Variants in NKAIN3 observed in about 807,000 individuals in gnomAD.
NKAIN3 encodes sodium/potassium-transporting ATPase subunit beta-1-interacting protein 3.
A neutral mutation model predicts 30.2 loss-of-function variants in NKAIN3; 25 were observed. That is an observed-to-expected ratio of 0.83 (90% CI 0.60 to 1.16). The LOEUF (loss-of-function observed/expected upper bound fraction) is 1.16. NKAIN3 is among the 50% of genes most tolerant of loss of function. The pLI is 0.00. For missense variants in NKAIN3, 225 were observed against 254.1 expected, an observed-to-expected ratio of 0.89 and a Z score of 0.78; for synonymous variants, 91 against 89.6, an observed-to-expected ratio of 1.02 and a Z score of -0.09.
intron 1 of NKAIN3, among the ~76,000 whole-genome samples, chr8:62,370,180 G>A (rs1454707896): frequency 2.0e-5 from 3 of 151,940 alleles, no homozygotes; most frequent in African/African-American, 4.8e-5. Flanking sequence ...CATTGAAATT[G>A]CTGTATCTGT....
chr8:62,631,590 C>A, intron 3 of NKAIN3, among the ~76,000 whole-genome samples: 1 of 152,132 alleles, frequency 6.6e-6, no homozygotes, highest in East Asian at 1.9e-4. Context: ...TTTGCCCTTG[C>A]TAAATTTTCA....
intron 1 of NKAIN3, among the ~76,000 whole-genome samples, chr8:62,390,292 T>C (rs1402079025): frequency 2.6e-5 from 4 of 152,146 alleles, no homozygotes; most frequent in Non-Finnish European, 4.4e-5. Context: ...TGAGAATCTG[T>C]GTTCTTTGGC....
chr8:62,996,929 G>A (rs1804130238), intron 5 of NKAIN3, among the ~76,000 whole-genome samples: 1 of 152,176 alleles, frequency 6.6e-6, no homozygotes, highest in Non-Finnish European at 1.5e-5. Context: ...ACAGGCTGGT[G>A]TGGAGTGCCT....
intron 1 of NKAIN3, among the ~76,000 whole-genome samples, chr8:62,487,120 T>A (rs1178302809): frequency 6.6e-6 from 1 of 152,192 alleles, no homozygotes; most frequent in Non-Finnish European, 1.5e-5. Flanking sequence ...GCCTGAACAT[T>A]TAAAATATCA....
At chr8:62,440,798 A>G (rs1019372835) in intron 1 of NKAIN3, among the ~76,000 whole-genome samples, 20 of 152,154 alleles carry the variant, frequency 1.3e-4, no homozygotes, top group South Asian at 2.1e-4. Context: ...TAATGTAGCC[A>G]TGGGCTGCCA....
chr8:62,993,831 A>C (rs1405942096), intron 5 of NKAIN3, among the ~76,000 whole-genome samples: 1 of 152,180 alleles, frequency 6.6e-6, no homozygotes, highest in Non-Finnish European at 1.5e-5. Context: ...AGGGGGTAGA[A>C]GTAACTACCT....
chr8:62,623,234 T>A (rs531087023), intron 3 of NKAIN3, among the ~76,000 whole-genome samples: 11 of 152,186 alleles, frequency 7.2e-5, no homozygotes, highest in African/African-American at 2.6e-4. Flanking sequence ...TTCCCTTTAT[T>A]CGTTTAAGCT....
Position 62,589,761 on chromosome 8 carries a change from C to G in NKAIN3, c.240C>G (p.Ile80Met). ...GGGTCACCTGGAATGTGTTCATTAT[C>G]TGCTTTTATTTGGAAGTAGGTGGAC... ...ALWVTWNVFI[I>M]CFYLEVGGLS... The change falls in exon 3 of 7, where the codon ATC becomes ATG. Residue 80 changes from isoleucine to methionine, a missense_variant. Coordinates refer to ENST00000623646, the MANE Select transcript of NKAIN3 (RefSeq NM_001304533.3). 6.2e-7 allele frequency: 1 copy of G among 1,605,456 alleles called. No homozygotes were observed. Among genetic ancestry groups the G allele is most frequent in the Non-Finnish European group, 8.5e-7 (1 of 1,174,244 alleles).
intron 4 of NKAIN3, among the ~76,000 whole-genome samples, chr8:62,771,430 A>G (rs1257404861): frequency 6.6e-6 from 1 of 152,154 alleles, no homozygotes; most frequent in African/African-American, 2.4e-5. Flanking sequence ...ATAGATTTGA[A>G]ATGGCAGAAG....
chr8:62,865,437 G>A (rs1236584971), intron 4 of NKAIN3, among the ~76,000 whole-genome samples: 1 of 152,142 alleles, frequency 6.6e-6, no homozygotes, highest in East Asian at 1.9e-4. Flanking sequence ...ATTTTGCTTT[G>A]AAGTACTGTT....
At chr8:62,366,526 G>A (rs1334451363) in intron 1 of NKAIN3, among the ~76,000 whole-genome samples, 4 of 151,892 alleles carry the variant, frequency 2.6e-5, no homozygotes, top group African/African-American at 9.7e-5. Context: ...ACGCCCAGCC[G>A]CTTCTTTCTA....
chr8:62,467,423 A>G (rs1353045831), intron 1 of NKAIN3, among the ~76,000 whole-genome samples: 1 of 152,212 alleles, frequency 6.6e-6, no homozygotes, highest in Non-Finnish European at 1.5e-5. Context: ...GCTAATTTAA[A>G]TTATCAGAAA....
At chr8:62,487,599 T>G (rs1314256526) in intron 1 of NKAIN3, among the ~76,000 whole-genome samples, 3 of 152,220 alleles carry the variant, frequency 2.0e-5, no homozygotes, top group African/African-American at 4.8e-5. Context: ...ACTGCCTTAA[T>G]GTTACTTTCT....
At chr8:62,620,844 A>G (rs1367593132) in intron 3 of NKAIN3, among the ~76,000 whole-genome samples, 1 of 152,164 alleles carries the variant, frequency 6.6e-6, no homozygotes, top group Non-Finnish European at 1.5e-5. Context: ...TCAATTTTCA[A>G]AGTAATGAAA....
intron 3 of NKAIN3, among the ~76,000 whole-genome samples, chr8:62,682,073 T>C (rs1303252167): frequency 6.6e-6 from 1 of 152,024 alleles, no homozygotes; most frequent in Non-Finnish European, 1.5e-5. Context: ...TGCAGGAACA[T>C]ACCAGGAAAG....
At chr8:62,945,907 G>GGGAAA (rs1184140593) in intron 5 of NKAIN3, among the ~76,000 whole-genome samples, 7 of 152,300 alleles carry the variant, frequency 4.6e-5, no homozygotes, top group East Asian at 1.9e-4. Flanking sequence ...GAGACTGAGG[G>GGGAAA]GGACAGGACA....
chr8:62,873,343 T>A (rs536806814), intron 4 of NKAIN3, among the ~76,000 whole-genome samples: 90 of 151,712 alleles, frequency 5.9e-4, no homozygotes, highest in African/African-American at 2.1e-3. Flanking sequence ...CAAAACAAGT[T>A]CTTAGGGACC....
intron 1 of NKAIN3, among the ~76,000 whole-genome samples, chr8:62,364,832 A>AAAAAAAG: frequency 6.7e-6 from 1 of 149,418 alleles, no homozygotes; most frequent in East Asian, 1.9e-4. Context: ...CCACTACAAA[A>AAAAAAAG]AAAAAAAAAA....
chr8:62,964,535 AGAGT>A (rs1281977402), intron 6 of NKAIN3, among the ~76,000 whole-genome samples: 16 of 99,996 alleles, frequency 1.6e-4, no homozygotes, highest in Non-Finnish European at 1.9e-4. Flanking sequence ...AGAGAGAGAG[AGAGT>A]GTGTGTGTGT....
Sources: allele counts gnomAD v4.1 joint callset (sites outside exome capture counted in the v4.1 genomes callset), GRCh38; gene constraint gnomAD v4.1.1; transcripts MANE v1.5; gene names NCBI Gene and HGNC (gene_info 2026-07-23, HGNC 2026-07-21).